Variants in CSMD2 observed in about 807,000 individuals in gnomAD.
CSMD2 encodes the protein CUB and sushi domain-containing protein 2.
CSMD2 carries 130 observed loss-of-function variants against 398.5 expected under a neutral mutation model. That is an observed-to-expected ratio of 0.33 (90% CI 0.28 to 0.38). The LOEUF (loss-of-function observed/expected upper bound fraction) is 0.38, where lower values mean the gene tolerates loss of function less well. Ranked by LOEUF, CSMD2 falls within the 10% of genes least tolerant of loss-of-function variation. The pLI, the probability that CSMD2 is intolerant of heterozygous loss-of-function variation, is 1.00. For synonymous variants in CSMD2, 1,828 were observed against 1,908.5 expected (o/e 0.96, Z 1.10); for missense variants, 3,829 against 4,764.9 (o/e 0.80, Z 5.78).
chr1:33,525,765 A>T (rs1654715052), intron 65 of CSMD2, among the ~76,000 whole-genome samples: 1 of 151,458 alleles, frequency 6.6e-6, no homozygotes, highest in Admixed American at 6.6e-5. Context: ...GCTCACTGCA[A>T]CCTCTGCCTC....
chr1:33,676,382 G>C (rs931901311), intron 25 of CSMD2, among the ~76,000 whole-genome samples: 7 of 152,220 alleles, frequency 4.6e-5, no homozygotes, highest in Non-Finnish European at 7.4e-5. Flanking sequence ...GAGTAAAATA[G>C]CTAGGAATCC....
chr1:33,541,027 G>T, intron 59 of CSMD2, 103 bp downstream of exon 59: 2 of 1,174,886 alleles, frequency 1.7e-6, no homozygotes, highest in Non-Finnish European at 2.5e-6. Flanking sequence ...AGATGTTAGG[G>T]CTGGCCTTTC....
At chr1:33,683,042 C>T (rs529160863) in intron 25 of CSMD2, among the ~76,000 whole-genome samples, 9 of 152,288 alleles carry the variant, frequency 5.9e-5, no homozygotes, top group African/African-American at 2.2e-4. Flanking sequence ...TGGATTGGCA[C>T]TTTGTCTTCC....
In CSMD2 at chr1:33,898,019, C is replaced by T. The variant is rs548555696; in HGVS notation, c.920+20075G>A. On this transcript the variant is annotated intron_variant, in intron 5 of 70. Transcript: ENST00000373381. The stretch of plus-strand genomic sequence containing the variant: ...CTTTGTAATATTGCCCCAATTAAAC[C>T]CTTATCCTGATCCTTGGAGTTAGAT... 1.6e-4 allele frequency among the ~76,000 whole-genome samples: 24 copies of T among 152,250 alleles called. 2 individuals are homozygous for T. The South Asian group carries it at 4.8e-3, about 30-fold the overall frequency.
intron 37 of CSMD2, among the ~76,000 whole-genome samples, chr1:33,619,946 G>C (rs1428030940): frequency 6.6e-6 from 1 of 152,150 alleles, no homozygotes; most frequent in East Asian, 1.9e-4. Context: ...CAACTAACTA[G>C]ACCTACTTAT....
chr1:33,866,789 A>G (rs1640071020), intron 5 of CSMD2, among the ~76,000 whole-genome samples: 1 of 152,234 alleles, frequency 6.6e-6, no homozygotes, highest in African/African-American at 2.4e-5. Context: ...ATGCCATGAT[A>G]TGGTGGTCCC....
intron 44 of CSMD2, among the ~76,000 whole-genome samples, chr1:33,590,873 C>T (rs1639393327): frequency 1.3e-5 from 2 of 151,792 alleles, no homozygotes; most frequent in South Asian, 4.2e-4. Context: ...CAGCAGTTGG[C>T]TCAGCAGCAG....
At chr1:34,108,450 T>C (rs1201321523) in intron 1 of CSMD2, among the ~76,000 whole-genome samples, 1 of 152,202 alleles carries the variant, frequency 6.6e-6, no homozygotes, top group African/African-American at 2.4e-5. Context: ...TTCACAGAGA[T>C]GCTCTGATGC....
At chr1:33,549,286 C>T (rs749685793) in intron 56 of CSMD2, among the ~76,000 whole-genome samples, 6 of 152,080 alleles carry the variant, frequency 3.9e-5, no homozygotes, top group East Asian at 1.9e-4. Context: ...GGAAGGGTTA[C>T]GGGTTAATTT....
intron 3 of CSMD2, among the ~76,000 whole-genome samples, chr1:34,016,033 G>A (rs1440261906): frequency 6.6e-6 from 1 of 151,906 alleles, no homozygotes; most frequent in Non-Finnish European, 1.5e-5. Flanking sequence ...GTGTGTGTGT[G>A]TGTGTGTGTG....
At chr1:33,665,489 G>A (rs1040526963) in intron 25 of CSMD2, among the ~76,000 whole-genome samples, 5 of 88,430 alleles carry the variant, frequency 5.7e-5, no homozygotes, top group African/African-American at 5.0e-5. Context: ...TTTTTTTTGC[G>A]ACAGGGCCTA....
At chr1:33,586,043 G>A (rs182252400) in intron 46 of CSMD2, among the ~76,000 whole-genome samples, 2 of 152,326 alleles carry the variant, frequency 1.3e-5, no homozygotes, top group East Asian at 1.9e-4. Context: ...TCGCTGAAGC[G>A]AATTCATTTC....
intron 48 of CSMD2, among the ~76,000 whole-genome samples, chr1:33,579,786 C>A (rs1457857823): frequency 6.6e-6 from 1 of 151,706 alleles, no homozygotes; most frequent in African/African-American, 2.4e-5. Flanking sequence ...TCAAGTGATT[C>A]TCCTGCCTCA....
intron 2 of CSMD2, among the ~76,000 whole-genome samples, chr1:34,076,929 ATAT>A (rs1433665421): frequency 7.8e-4 from 37 of 47,316 alleles, no homozygotes; most frequent in African/African-American, 1.1e-3. Flanking sequence ...AAAAAAAAAA[ATAT>A]ATATATATAT....
intron 5 of CSMD2, among the ~76,000 whole-genome samples, chr1:33,851,378 T>C (rs1638697990): frequency 6.6e-6 from 1 of 152,160 alleles, no homozygotes; most frequent in Non-Finnish European, 1.5e-5. Flanking sequence ...ATGGCCCTGG[T>C]CTGATTCAGA....
intron 3 of CSMD2, among the ~76,000 whole-genome samples, chr1:34,004,302 G>C (rs1359109466): frequency 6.6e-6 from 1 of 152,154 alleles, no homozygotes; most frequent in Admixed American, 6.5e-5. Flanking sequence ...GATTTCCCTG[G>C]AACTTAAGCC....
chr1:33,619,935 G>A (rs368019108), intron 37 of CSMD2, among the ~76,000 whole-genome samples: 3 of 152,240 alleles, frequency 2.0e-5, no homozygotes, highest in African/African-American at 7.2e-5. Flanking sequence ...TGCAGTAGTT[G>A]CAACTAACTA....
intron 1 of CSMD2, among the ~76,000 whole-genome samples, chr1:34,153,401 G>A (rs572251746): frequency 6.6e-6 from 1 of 152,330 alleles, no homozygotes; most frequent in East Asian, 1.9e-4. Flanking sequence ...GCTTTTTAAA[G>A]CTGAAAGATT....
At position 33,808,978 on chromosome 1, in the gene CSMD2, G is replaced by GAA. The variant is rs56303874; in HGVS notation, c.1446+1763_1446+1764dup. Among the ~76,000 whole-genome samples the GAA allele has an allele frequency of 3.0e-3, 451 of 148,902 alleles. 2 individuals are homozygous for GAA. The highest frequency in any genetic ancestry group is 4.1e-3 in the Admixed American group (62 of 14,994). ...TTAATATTTACTAAAATGGAGTCAAGAAAAAAAAAACAGATGACCAAAATA... is the reference window on the plus strand; with the variant it reads ...TTAATATTTACTAAAATGGAGTCAAGAAAAAAAAAAAACAGATGACCAAAATA... On this transcript the variant is annotated intron_variant, in intron 10 of 70. Coordinates refer to ENST00000373381, the MANE Select transcript of CSMD2 (RefSeq NM_001281956.2).
Sources: allele counts gnomAD v4.1 joint callset (sites outside exome capture counted in the v4.1 genomes callset), GRCh38; gene constraint gnomAD v4.1.1; transcripts MANE v1.5; gene names NCBI Gene and HGNC (gene_info 2026-07-23, HGNC 2026-07-21).